Variants in DNM2 observed in about 807,000 individuals in gnomAD.
DNM2 encodes dynamin-2.
DNM2 carries 15 observed loss-of-function variants against 99.0 expected under a neutral mutation model. The observed-to-expected ratio is 0.15, with a 90% confidence interval of 0.10 to 0.23. The LOEUF (loss-of-function observed/expected upper bound fraction) is 0.23, where lower values mean the gene tolerates loss of function less well. Among genes scored for constraint, DNM2 ranks in the 10% least tolerant of loss-of-function variants. The pLI is 1.00. For synonymous variants in DNM2, 525 were observed against 481.2 expected (o/e 1.09, Z -1.19); for missense variants, 742 against 1,189.4 (o/e 0.62, Z 5.53).
chr19:10,719,810 C>T (rs2068877048), intron 1 of DNM2, among the ~76,000 whole-genome samples: 2 of 152,196 alleles, frequency 1.3e-5, no homozygotes, highest in African/African-American at 2.4e-5. Flanking sequence ...GTTATCATCC[C>T]CACCTTAGCT....
chr19:10,751,583 T>TG (rs745594019), intron 1 of DNM2, among the ~76,000 whole-genome samples: 1 of 152,144 alleles, frequency 6.6e-6, no homozygotes, highest in Admixed American at 6.5e-5. Context: ...AGGAGACTTC[T>TG]GGGGGGCTCA....
At position 10,818,767 on chromosome 19, in the gene DNM2, A is replaced by C. The variant is rs2072866760; in HGVS notation, c.1672-1213A>C. Among the ~76,000 whole-genome samples, 1 of 152,088 alleles carries C rather than the reference A, an allele frequency of 6.6e-6. No individual in the cohort carries two copies. Among genetic ancestry groups the C allele is most frequent in the Non-Finnish European group, 1.5e-5 (1 of 68,020 alleles). ...GAGTTTCCAGAGACGGCCCAGGGAG[A>C]AGAAGGGCCAGGGGCACTGTGGGGA... On this transcript the variant is annotated intron_variant, in intron 15 of 20. Coordinates refer to ENST00000389253, the MANE Select transcript of DNM2 (RefSeq NM_001005361.3). The surrounding 1 kb of genome is among the most constrained non-coding windows in gnomAD (Gnocchi z 4.3).
Position 10,820,208 on chromosome 19 carries a change from C to G in DNM2, c.1781+119C>G. ...GTCAGCAGTCCCTGCCCTTGGGACCCAGCTTTTAGAAAGGGGAGTCACGTG... is the reference window on the plus strand; with the variant it reads ...GTCAGCAGTCCCTGCCCTTGGGACCGAGCTTTTAGAAAGGGGAGTCACGTG... On this transcript the variant is annotated intron_variant, in intron 16 of 20. Transcript: ENST00000389253. The surrounding 1 kb of genome is among the most constrained non-coding windows in gnomAD (Gnocchi z 4.3). 1.0e-6 allele frequency: 1 copy of G among 975,264 alleles called. No homozygotes were observed. The allele number at this position is 975,264 out of a possible 1,614,324, so 60.4% of individuals were successfully genotyped here.
rs188291423 is a variant in DNM2, at chr19:10,802,470, C to T, written c.1493+112C>T. On this transcript the variant is annotated intron_variant, in intron 12 of 20. Transcript: ENST00000389253. Reference sequence around the variant, plus strand: ...AGGGCAGGTGTCAGACAGTCTCTGTCGGGGGTCCTGGGGTGAAGGCAGAGC... The same window carrying T: ...AGGGCAGGTGTCAGACAGTCTCTGTTGGGGGTCCTGGGGTGAAGGCAGAGC... 54 of 1,270,466 alleles carry T rather than the reference C, an allele frequency of 4.3e-5. No homozygotes were observed. The East Asian group carries it at 1.1e-3, about 25-fold the overall frequency. The allele number at this position is 1,270,466 out of a possible 1,614,324, so 78.7% of individuals were successfully genotyped here.
intron 18 of DNM2, among the ~76,000 whole-genome samples, 178 bp downstream of exon 18, chr19:10,825,399 G>A (rs1255951506): frequency 5.9e-5 from 9 of 152,182 alleles, no homozygotes; most frequent in Admixed American, 4.6e-4. Flanking sequence ...GGCTGGGCGC[G>A]GTGGCTCACA....
Position 10,830,516 on chromosome 19 carries a change from G to A in DNM2, c.2543+138G>A. The A allele has an allele frequency of 9.2e-7, 1 of 1,090,912 alleles. No individual in the cohort carries two copies. The highest frequency in any genetic ancestry group is 1.5e-5 in the South Asian group (1 of 65,596). The allele number at this position is 1,090,912 out of a possible 1,614,324, so 67.6% of individuals were successfully genotyped here. ...AATCGTCCTCATCCCTATTTGGCTT[G>A]CGAGGAAACAGGCCCAGAGAGGCCA... On this transcript the variant is annotated intron_variant, in intron 20 of 20. Coordinates refer to ENST00000389253, the MANE Select transcript of DNM2 (RefSeq NM_001005361.3). This position sits in a 1 kb window ranked among gnomAD's most constrained non-coding sequence, Gnocchi z 4.8.
chr19:10,798,508 G>A lies in DNM2; in HGVS notation c.1358G>A (p.Arg453Gln), dbSNP rs140043676. ...AEKLSSYPRLREETERIVTTY... is the reference protein window; with the variant it reads ...AEKLSSYPRLQEETERIVTTY... ...CAGCTCAGTTCCTACCCCCGGTTGC[G>A]AGAGGAGACAGAGCGAATCGTCACC... The change falls in exon 11 of 21, where the codon CGA becomes CAA. Residue 453 changes from arginine (R) to glutamine (Q), a missense_variant. Around this residue, in one of 7 missense-constraint regions of DNM2, gnomAD observed 240 missense variants for 431.3 expected, o/e 0.56. Transcript: ENST00000389253. 2.2e-5 allele frequency: 36 copies of A among 1,614,066 alleles called. No homozygotes were observed. The highest frequency in any genetic ancestry group is 1.6e-4 in the Middle Eastern group (1 of 6,084).
At chr19:10,807,068 C>CTTA (rs571088217) in intron 13 of DNM2, among the ~76,000 whole-genome samples, 24 of 151,594 alleles carry the variant, frequency 1.6e-4, no homozygotes, top group Non-Finnish European at 2.7e-4. Flanking sequence ...CCTTCAGTAC[C>CTTA]TTATTATTAT....
chr19:10,795,208 A>C lies in DNM2; in HGVS notation c.1129-164A>C, dbSNP rs1392195787. ...AGTGCTGAGATTACAGGTGTGAGCC[A>C]CTGTATCTGGCCAGTTTTCAATTTT... is the stretch of plus-strand genomic sequence containing the variant. On this transcript the variant is annotated intron_variant, in intron 8 of 20. Transcript: ENST00000389253. This position sits in a 1 kb window ranked among gnomAD's most constrained non-coding sequence, Gnocchi z 4.2. Among the ~76,000 whole-genome samples, 2 of 152,206 alleles carry C rather than the reference A, an allele frequency of 1.3e-5. No individual in the cohort carries two copies. The highest frequency in any genetic ancestry group is 2.9e-5 in the Non-Finnish European group (2 of 68,044).
chr19:10,761,596 C>T (rs1414356261), intron 2 of DNM2, among the ~76,000 whole-genome samples: 1 of 152,128 alleles, frequency 6.6e-6, no homozygotes, highest in Non-Finnish European at 1.5e-5. Flanking sequence ...TCTTGCGGCC[C>T]TTTTAAATAC....
chr19:10,790,671 T>C (rs2071722210), intron 7 of DNM2, among the ~76,000 whole-genome samples: 2 of 152,210 alleles, frequency 1.3e-5, no homozygotes, highest in South Asian at 2.1e-4. Flanking sequence ...TTTCACCATG[T>C]TGGCCAGGCT....
intron 10 of DNM2, chr19:10,798,250 G>C: frequency 5.3e-6 from 3 of 568,664 alleles, no homozygotes; most frequent in Non-Finnish European, 9.4e-6. Flanking sequence ...CCTGCCCCCC[G>C]GTCACTGGCT....
intron 1 of DNM2, among the ~76,000 whole-genome samples, chr19:10,747,642 CT>C (rs1713633037): frequency 6.6e-6 from 1 of 152,194 alleles, no homozygotes; most frequent in African/African-American, 2.4e-5. Context: ...CATTGGTCAT[CT>C]GCCTCCTGCC....
Position 10,812,207 on chromosome 19 carries a change from G to A in DNM2, c.1558-57G>A. The A allele has an allele frequency of 5.4e-6, 8 of 1,468,302 alleles. No homozygotes were observed. Among genetic ancestry groups the A allele is most frequent in the Non-Finnish European group, 7.4e-6 (8 of 1,077,026 alleles). 91.0% of individuals were successfully genotyped at this position (1,468,302 alleles called of 1,614,324 possible). On this transcript the variant is annotated intron_variant, in intron 14 of 20. Coordinates refer to ENST00000389253, the MANE Select transcript of DNM2 (RefSeq NM_001005361.3). This position sits in a 1 kb window ranked among gnomAD's most constrained non-coding sequence, Gnocchi z 4.0. ...GAGCTGTGGGCAAGGCTGCTGCGCT[G>A]GGGGATGGCTGGGGCACGGAGCGAG...
intron 1 of DNM2, among the ~76,000 whole-genome samples, chr19:10,742,931 TGAGACA>T (rs1303301736): frequency 1.4e-5 from 2 of 144,668 alleles, no homozygotes; most frequent in Middle Eastern, 3.6e-3. Flanking sequence ...TTTTTTTTTT[TGAGACA>T]GAGTCTCCCT....
chr19:10,825,307 G>A, intron 18 of DNM2, 86 bp downstream of exon 18: 1 of 1,576,892 alleles, frequency 6.3e-7, no homozygotes, highest in Non-Finnish European at 8.7e-7. Context: ...GGCCAAGGCG[G>A]GCGGATCACT....
Position 10,830,527 on chromosome 19 carries a change from G to A in DNM2, c.2543+149G>A. 1 of 929,308 alleles carries A rather than the reference G, an allele frequency of 1.1e-6. No homozygotes were observed. The highest frequency in any genetic ancestry group is 1.6e-6 in the Non-Finnish European group (1 of 627,090). The allele number at this position is 929,308 out of a possible 1,614,324, so 57.6% of individuals were successfully genotyped here. A position where few individuals can be genotyped will look rare whatever the true frequency, so the allele number is the denominator to read the frequency against. ...TCCCTATTTGGCTTGCGAGGAAACA[G>A]GCCCAGAGAGGCCAAGAGGCTTGTT... is the stretch of plus-strand genomic sequence containing the variant. On this transcript the variant is annotated intron_variant, in intron 20 of 20. Coordinates refer to ENST00000389253, the MANE Select transcript of DNM2 (RefSeq NM_001005361.3). The surrounding 1 kb of genome is among the most constrained non-coding windows in gnomAD (Gnocchi z 4.8).
At position 10,797,401 on chromosome 19, in the gene DNM2, C is replaced by T. The variant is rs147668465; in HGVS notation, c.1218C>T (p.Asp406=). The T allele has an allele frequency of 2.0e-3, 3,156 of 1,613,356 alleles. 16 individuals carry two copies. Among genetic ancestry groups the T allele is most frequent in the South Asian group, 7.2e-3 (652 of 91,022 alleles). Residue 406 remains aspartate, a synonymous_variant, in exon 10 of 21, where the codon GAC becomes GAT. Transcript: ENST00000389253. ...CCAGGACGGGGCTCTTCACCCCCGA[C>T]ATGGCCTTTGAAGCCATTGTGAAAA... ...HGVRTGLFTP[D]MAFEAIVKKQ... is the part of the protein sequence containing the mutation.
chr19:10,820,254 A>G lies in DNM2; in HGVS notation c.1781+165A>G, dbSNP rs545864358. On this transcript the variant is annotated intron_variant, in intron 16 of 20. Coordinates refer to ENST00000389253, the MANE Select transcript of DNM2 (RefSeq NM_001005361.3). This position sits in a 1 kb window ranked among gnomAD's most constrained non-coding sequence, Gnocchi z 4.3. ...ACGTGAGAAATAGCAAATGCCAGGG[A>G]TGCTTCCCGTGCTGGGTCAGAGATG... Among the ~76,000 whole-genome samples the G allele has an allele frequency of 2.6e-5, 4 of 152,346 alleles. No homozygotes were observed. The highest frequency in any genetic ancestry group is 5.9e-5 in the Non-Finnish European group (4 of 68,030).
Sources: allele counts gnomAD v4.1 joint callset (sites outside exome capture counted in the v4.1 genomes callset), GRCh38; gene constraint gnomAD v4.1.1; regional missense constraint gnomAD v4.1.1; non-coding constraint Gnocchi (gnomAD v3.1); transcripts MANE v1.5; gene names NCBI Gene and HGNC (gene_info 2026-07-23, HGNC 2026-07-21).